RGS7BP: variants seen among roughly 807,000 people sequenced by gnomAD.
RGS7BP encodes the protein regulator of G protein signaling 7 binding protein, also known as regulator of G protein signaling 7-binding protein.
A neutral mutation model predicts 31.3 loss-of-function variants in RGS7BP; 9 were observed. The ratio of observed to expected loss-of-function variants is 0.29; its 90% confidence interval spans 0.17 to 0.50. RGS7BP has a LOEUF of 0.50. Among genes scored for constraint, RGS7BP ranks in the 20% least tolerant of loss-of-function variants. The pLI is 0.98. For synonymous variants in RGS7BP, 115 were observed against 120.1 expected (o/e 0.96, Z 0.28); for missense variants, 274 against 322.0 (o/e 0.85, Z 1.14).
intron 5 of RGS7BP, among the ~76,000 whole-genome samples, chr5:64,607,360 G>A (rs761304100): frequency 5.9e-5 from 9 of 152,102 alleles, no homozygotes; most frequent in Non-Finnish European, 8.8e-5. Context: ...CTGAGAACAT[G>A]TGCCCAAGGT....
At chr5:64,556,834 G>C (rs1007527902) in intron 2 of RGS7BP, among the ~76,000 whole-genome samples, 9 of 151,936 alleles carry the variant, frequency 5.9e-5, no homozygotes, top group African/African-American at 2.2e-4. Context: ...ATCTCTGTGT[G>C]TGTGTGCCTC....
At chr5:64,550,293 T>C (rs1216040710) in intron 2 of RGS7BP, among the ~76,000 whole-genome samples, 2 of 152,208 alleles carry the variant, frequency 1.3e-5, no homozygotes, top group African/African-American at 4.8e-5. Context: ...GCCAGCATAG[T>C]TGAGAGCCAG....
intron 2 of RGS7BP, among the ~76,000 whole-genome samples, chr5:64,535,295 G>T (rs1205484806): frequency 6.6e-6 from 1 of 152,124 alleles, no homozygotes; most frequent in African/African-American, 2.4e-5. Flanking sequence ...ATCTATTAAA[G>T]TATGCACATT....
chr5:64,570,688 C>G (rs1221663748), intron 2 of RGS7BP, among the ~76,000 whole-genome samples: 2 of 152,120 alleles, frequency 1.3e-5, no homozygotes, highest in African/African-American at 2.4e-5. Context: ...ATTATAAAAC[C>G]TCCCAGTGGT....
intron 2 of RGS7BP, among the ~76,000 whole-genome samples, chr5:64,536,805 C>T (rs1047468853): frequency 1.3e-5 from 2 of 151,806 alleles, no homozygotes; most frequent in African/African-American, 4.8e-5. Context: ...GTTTTTGCCA[C>T]ATTTTGATTA....
intron 2 of RGS7BP, among the ~76,000 whole-genome samples, chr5:64,536,883 G>GA (rs905471103): frequency 7.3e-5 from 11 of 151,082 alleles, no homozygotes; most frequent in East Asian, 1.9e-4. Context: ...GAGCTAGTAA[G>GA]AAAAAAAAAT....
intron 2 of RGS7BP, among the ~76,000 whole-genome samples, chr5:64,565,603 T>C (rs1742150384): frequency 6.6e-6 from 1 of 152,148 alleles, no homozygotes; most frequent in Non-Finnish European, 1.5e-5. Flanking sequence ...ACCAGCACCG[T>C]AACCCCAGCC....
In RGS7BP at chr5:64,506,322, G is replaced by A. The variant is rs1748675636; in HGVS notation, c.-303G>A. ...CCAGCCTTGCAATCCATGCCGAGAG[G>A]AAGGCAGTGCGAGCCCGCGCCAGCG... On this transcript the variant is annotated 5_prime_UTR_variant, in exon 1 of 6. Coordinates refer to ENST00000334025, the MANE Select transcript of RGS7BP (RefSeq NM_001029875.3). The surrounding 1 kb of genome is among the most constrained non-coding windows in gnomAD (Gnocchi z 4.6). 3.5e-6 allele frequency: 1 copy of A among 286,680 alleles called. No individual in the cohort carries two copies. Among genetic ancestry groups the A allele is most frequent in the African/African-American group, 2.2e-5 (1 of 45,960 alleles). The allele number at this position is 286,680 out of a possible 1,614,324, so 17.8% of individuals were successfully genotyped here.
Position 64,575,919 on chromosome 5 carries a change from T to C in RGS7BP, c.463+15T>C, listed in dbSNP as rs1303250410. 16 of 1,604,552 alleles carry C rather than the reference T, an allele frequency of 1.0e-5. No homozygotes were observed. The highest frequency in any genetic ancestry group is 1.3e-5 in the Non-Finnish European group (15 of 1,176,252). On this transcript the variant is annotated intron_variant, in intron 3 of 5. Coordinates refer to ENST00000334025, the MANE Select transcript of RGS7BP (RefSeq NM_001029875.3). ...TCATCGAAAAGGTATCTACATTTAA[T>C]ATTGCCGGAAACACTGAGGAATGTT...
At chr5:64,566,471 C>T (rs148381370) in intron 2 of RGS7BP, among the ~76,000 whole-genome samples, 109 of 151,964 alleles carry the variant, frequency 7.2e-4, no homozygotes, top group Non-Finnish European at 1.1e-3. Context: ...AGGAGTCTTA[C>T]ATGATTATTC....
chr5:64,538,114 A>G (rs77807651), intron 2 of RGS7BP, among the ~76,000 whole-genome samples: 1,971 of 152,352 alleles, frequency 0.013, 47 homozygotes, highest in African/African-American at 0.044. Flanking sequence ...AACCATATAC[A>G]TAGCTAATTT....
At chr5:64,509,159 A>G (rs916971739) in intron 2 of RGS7BP, among the ~76,000 whole-genome samples, 2 of 152,212 alleles carry the variant, frequency 1.3e-5, no homozygotes, top group Non-Finnish European at 2.9e-5. Context: ...GAGTTTGGTG[A>G]AGAAATACAG....
intron 2 of RGS7BP, among the ~76,000 whole-genome samples, chr5:64,570,951 TA>T (rs1742288356): frequency 6.6e-6 from 1 of 152,126 alleles, no homozygotes. Context: ...GGGTTTTTTT[TA>T]AGTAAAATTT....
intron 5 of RGS7BP, among the ~76,000 whole-genome samples, chr5:64,599,539 G>A (rs1405541151): frequency 6.6e-6 from 1 of 152,164 alleles, no homozygotes; most frequent in Non-Finnish European, 1.5e-5. Flanking sequence ...ACACAGGGGT[G>A]GAGGTCAGAA....
chr5:64,519,884 G>A (rs1490180855), intron 2 of RGS7BP, among the ~76,000 whole-genome samples: 1 of 152,144 alleles, frequency 6.6e-6, no homozygotes, highest in African/African-American at 2.4e-5. Context: ...TCATCATAGA[G>A]CCAACTGTGT....
chr5:64,559,096 G>A (rs1169102188), intron 2 of RGS7BP, among the ~76,000 whole-genome samples: 1 of 152,088 alleles, frequency 6.6e-6, no homozygotes, highest in Non-Finnish European at 1.5e-5. Flanking sequence ...CTTGAAGCAT[G>A]TGATCTCTGT....
In RGS7BP at chr5:64,575,912, C is replaced by T. The variant is rs768124274; in HGVS notation, c.463+8C>T. The T allele has an allele frequency of 3.7e-6, 6 of 1,605,156 alleles. No homozygotes were observed. In the South Asian group the frequency reaches 4.5e-5, roughly 12 times the overall value. ...TTCAGTTTCATCGAAAAGGTATCTACATTTAATATTGCCGGAAACACTGAG... is the reference window on the plus strand; with the variant it reads ...TTCAGTTTCATCGAAAAGGTATCTATATTTAATATTGCCGGAAACACTGAG... On this transcript the variant is annotated splice_region_variant and intron_variant, in intron 3 of 5. Coordinates refer to ENST00000334025, the MANE Select transcript of RGS7BP (RefSeq NM_001029875.3).
intron 2 of RGS7BP, among the ~76,000 whole-genome samples, chr5:64,534,320 A>C (rs936697533): frequency 3.3e-5 from 5 of 152,196 alleles, no homozygotes; most frequent in Non-Finnish European, 1.5e-5. Flanking sequence ...CCAGCCTGTC[A>C]GGGCCTCGCT....
In RGS7BP at chr5:64,561,984, G is replaced by A. The variant is rs79480213; in HGVS notation, c.333-13790G>A. Among the ~76,000 whole-genome samples, 770 of 152,114 alleles carry A rather than the reference G, an allele frequency of 5.1e-3. 8 individuals carry two copies. The highest frequency in any genetic ancestry group is 0.018 in the African/African-American group (743 of 41,498). ...GAAAAAATTATATGTAGGTCTCCAC[G>A]GTGGAGCCATTTAGTTGAAAACTTG... is the stretch of plus-strand genomic sequence containing the variant. On this transcript the variant is annotated intron_variant, in intron 2 of 5. Transcript: ENST00000334025.
Sources: gnomAD v4.1 joint callset for allele counts (sites outside exome capture counted in the v4.1 genomes callset) on GRCh38, gnomAD v4.1.1 for gene constraint, Gnocchi (gnomAD v3.1) non-coding constraint, MANE v1.5 for transcripts, NCBI Gene and HGNC (gene_info 2026-07-23, HGNC 2026-07-21) for gene names.